The following GRID2 variants were observed in gnomAD, a reference collection of about 807,000 sequenced individuals.
GRID2 encodes the protein glutamate receptor ionotropic, delta-2.
Under a neutral mutation model 114.8 loss-of-function variants are expected in GRID2, and 33 were observed. That is an observed-to-expected ratio of 0.29 (90% confidence interval 0.22 to 0.38). The LOEUF is 0.38. GRID2 is among the 10% of genes least tolerant of loss of function. The pLI, the probability that GRID2 is intolerant of heterozygous loss-of-function variation, is 1.00. For synonymous variants in GRID2, 505 were observed against 449.9 expected (o/e 1.12, Z -1.55); for missense variants, 1,184 against 1,257.7 (o/e 0.94, Z 0.89).
At chr4:92,850,004 T>C (rs1358564413) in intron 2 of GRID2, among the ~76,000 whole-genome samples, 1 of 151,380 alleles carries the variant, frequency 6.6e-6, no homozygotes, top group African/African-American at 2.4e-5. Context: ...TGCCACAAAT[T>C]TAAATATCTT....
chr4:93,317,805 TC>T (rs1206594691), intron 8 of GRID2, among the ~76,000 whole-genome samples: 1 of 151,566 alleles, frequency 6.6e-6, no homozygotes, highest in East Asian at 1.9e-4. Flanking sequence ...TCAATCACCT[TC>T]TTATTTTATC....
intron 2 of GRID2, among the ~76,000 whole-genome samples, chr4:92,818,487 A>C (rs1316518292): frequency 6.6e-6 from 1 of 152,154 alleles, no homozygotes; most frequent in Non-Finnish European, 1.5e-5. Flanking sequence ...GGCCCAACTT[A>C]ATAAGAGCTA....
chr4:92,402,672 T>C (rs1730844030), intron 1 of GRID2, among the ~76,000 whole-genome samples: 1 of 152,190 alleles, frequency 6.6e-6, no homozygotes, highest in Non-Finnish European at 1.5e-5. Flanking sequence ...TGTACATTCA[T>C]CCAGGCTTTG....
intron 2 of GRID2, among the ~76,000 whole-genome samples, chr4:92,997,398 A>C (rs1368944574): frequency 1.3e-5 from 2 of 152,176 alleles, no homozygotes; most frequent in African/African-American, 4.8e-5. Context: ...AATAACTTGG[A>C]GTGGGAGAGG....
At chr4:93,132,066 A>G (rs1464122336) in intron 4 of GRID2, among the ~76,000 whole-genome samples, 2 of 152,208 alleles carry the variant, frequency 1.3e-5, no homozygotes, top group African/African-American at 4.8e-5. Flanking sequence ...ATAAAAAATT[A>G]TAAGTATAAT....
intron 2 of GRID2, among the ~76,000 whole-genome samples, chr4:92,882,993 G>T (rs1157051937): frequency 6.6e-6 from 1 of 152,116 alleles, no homozygotes; most frequent in Non-Finnish European, 1.5e-5. Context: ...CAACAGTGAA[G>T]TTTGCCACAT....
chr4:93,255,261 C>G (rs1228592563), intron 8 of GRID2, among the ~76,000 whole-genome samples: 2 of 152,058 alleles, frequency 1.3e-5, no homozygotes, highest in Non-Finnish European at 2.9e-5. Context: ...TGAAACATCT[C>G]TATCTTACAT....
intron 4 of GRID2, among the ~76,000 whole-genome samples, chr4:93,128,062 A>AAC (rs1253120669): frequency 1.5e-5 from 2 of 134,766 alleles, no homozygotes; most frequent in Non-Finnish European, 3.2e-5. Flanking sequence ...AAAAAAAACA[A>AAC]CAGTACGTGC....
At chr4:93,351,966 T>G (rs2149261924) in intron 8 of GRID2, among the ~76,000 whole-genome samples, 1 of 152,160 alleles carries the variant, frequency 6.6e-6, no homozygotes, top group Middle Eastern at 3.4e-3. Context: ...CCTTACACTT[T>G]CATTCATCCT....
chr4:93,207,087 C>G (rs749730893), intron 4 of GRID2, among the ~76,000 whole-genome samples: 9 of 151,990 alleles, frequency 5.9e-5, no homozygotes, highest in African/African-American at 1.9e-4. Flanking sequence ...GAAATTTTAA[C>G]TCCACTCTCC....
intron 1 of GRID2, among the ~76,000 whole-genome samples, chr4:92,429,728 A>G (rs1470284623): frequency 6.6e-6 from 1 of 152,138 alleles, no homozygotes; most frequent in Non-Finnish European, 1.5e-5. Context: ...AGAAGTGTAC[A>G]AGCATTCTGT....
intron 2 of GRID2, among the ~76,000 whole-genome samples, chr4:92,860,301 T>C (rs992597674): frequency 6.6e-6 from 1 of 152,154 alleles, no homozygotes; most frequent in Non-Finnish European, 1.5e-5. Flanking sequence ...GCTTTCTTTT[T>C]GTTAACATCA....
chr4:93,410,649 T>C (rs998619766), intron 9 of GRID2, among the ~76,000 whole-genome samples: 4 of 152,244 alleles, frequency 2.6e-5, no homozygotes, highest in Non-Finnish European at 5.9e-5. Context: ...AATGGCATGA[T>C]CTAGGCTCAC....
intron 1 of GRID2, among the ~76,000 whole-genome samples, chr4:92,456,333 G>T (rs1408960517): frequency 6.6e-6 from 1 of 152,002 alleles, no homozygotes; most frequent in Non-Finnish European, 1.5e-5. Flanking sequence ...ATGGGAAAAT[G>T]CACTCCCATG....
chr4:93,721,170 G>A (rs1729337740), intron 14 of GRID2, among the ~76,000 whole-genome samples: 1 of 152,128 alleles, frequency 6.6e-6, no homozygotes, highest in Non-Finnish European at 1.5e-5. Flanking sequence ...TATTTCAAAG[G>A]TCTTTCTCAA....
At chr4:93,163,370 A>G (rs1249231125) in intron 4 of GRID2, among the ~76,000 whole-genome samples, 3 of 53,092 alleles carry the variant, frequency 5.7e-5, no homozygotes, top group African/African-American at 1.5e-4. Context: ...ATATATATAT[A>G]TATATATATA....
chr4:93,458,590 T>C (rs1234249413), intron 11 of GRID2, among the ~76,000 whole-genome samples: 1 of 152,162 alleles, frequency 6.6e-6, no homozygotes, highest in Non-Finnish European at 1.5e-5. Flanking sequence ...GAATTCCTCT[T>C]GCAGAGAACA....
At chr4:93,235,302 C>A (rs956761210) in intron 7 of GRID2, among the ~76,000 whole-genome samples, 1 of 151,952 alleles carries the variant, frequency 6.6e-6, no homozygotes, top group Non-Finnish European at 1.5e-5. Flanking sequence ...ATTTAAAGGA[C>A]GTTTAGAAAT....
intron 5 of GRID2, among the ~76,000 whole-genome samples, chr4:93,214,088 AT>A (rs1743906824): frequency 6.6e-6 from 1 of 152,052 alleles, no homozygotes; most frequent in African/African-American, 2.4e-5. Flanking sequence ...TAATTTTATA[AT>A]TTGGGTTCTT....
Sources: gnomAD v4.1 joint callset for allele counts (sites outside exome capture counted in the v4.1 genomes callset) on GRCh38, gnomAD v4.1.1 for gene constraint, MANE v1.5 for transcripts, NCBI Gene and HGNC (gene_info 2026-07-23, HGNC 2026-07-21) for gene names.